Variants in MMAB observed in about 807,000 individuals in gnomAD.
The protein encoded by MMAB is corrinoid adenosyltransferase MMAB.
A neutral mutation model predicts 30.6 loss-of-function variants in MMAB; 17 were observed. That is an observed-to-expected ratio of 0.56 (90% CI 0.38 to 0.83). The LOEUF is 0.83. Among genes scored for constraint, MMAB ranks in the 40% least tolerant of loss-of-function variants. The pLI is 0.00. For synonymous variants in MMAB, 134 were observed against 138.6 expected, an observed-to-expected ratio of 0.97 and a Z score of 0.23; for missense variants, 311 against 331.6, an observed-to-expected ratio of 0.94 and a Z score of 0.48.
chr12:109,568,919 G>GTTTTT, intron 2 of MMAB, 56 bp from the exon 3 acceptor site: 1 of 953,536 alleles, frequency 1.0e-6, no homozygotes, highest in Non-Finnish European at 1.6e-6. Flanking sequence ...CTGATATGCT[G>GTTTTT]TTTTTTTTTT....
Position 109,571,688 on chromosome 12 carries a change from G to T in MMAB, c.157C>A (p.Pro53Thr). The change falls in exon 2 of 9, where the codon CCC becomes ACC. Residue 53 changes from proline to threonine, a missense_variant. Physicochemically the swap from Pro to Thr is conservative, Grantham distance 38 (BLOSUM62 -1). Coordinates refer to ENST00000545712, the MANE Select transcript of MMAB (RefSeq NM_052845.4). ...GDRPQPSSKT[P>T]RIPKIYTKTG... ...TTGGTGTAAATCTTGGGGATCCTGG[G>T]TGTCTTCGAGGAAGGCTGTGGCCTA... is the stretch of plus-strand genomic sequence containing the variant. 1 of 1,614,118 alleles carries T rather than the reference G, an allele frequency of 6.2e-7. No homozygotes were observed. The highest frequency in any genetic ancestry group is 8.5e-7 in the Non-Finnish European group (1 of 1,180,000).
At position 109,555,705 on chromosome 12, in the gene MMAB, CA is replaced by C. The variant is rs1402693774; in HGVS notation, c.*1322del. 6.6e-6 allele frequency: 3 copies of C among 453,708 alleles called. No homozygotes were observed. The highest frequency in any genetic ancestry group is 6.0e-5 in the African/African-American group (3 of 49,910). 28.1% of individuals were successfully genotyped at this position (453,708 alleles called of 1,614,324 possible). On this transcript the variant is annotated 3_prime_UTR_variant, in exon 9 of 9. Coordinates refer to ENST00000545712, the MANE Select transcript of MMAB (RefSeq NM_052845.4). ...TCATCTGCACCTCACCCACCCTGCC[CA>C]AGGCTCAAGAGGGCCATCACAGCCT...
chr12:109,571,816 C>T (rs1268287397), intron 1 of MMAB, 106 bp from the exon 2 acceptor site: 12 of 841,670 alleles, frequency 1.4e-5, no homozygotes, highest in African/African-American at 3.3e-5. Context: ...AGAGGCAGCA[C>T]TTACCCCTTA....
chr12:109,571,840 C>G (rs1884642351), intron 1 of MMAB, 130 bp from the exon 2 acceptor site: 2 of 753,704 alleles, frequency 2.7e-6, no homozygotes, highest in African/African-American at 3.4e-5. Context: ...CTTAGATGGT[C>G]ATCTCTTGTT....
chr12:109,564,919 C>T lies in MMAB; in HGVS notation c.348+200G>A, dbSNP rs574313952. 209 of 677,430 alleles carry T rather than the reference C, an allele frequency of 3.1e-4. 1 individual carries two copies. In the African/African-American group the frequency reaches 3.2e-3, roughly 10 times the overall value. The allele number at this position is 677,430 out of a possible 1,614,324, so 42.0% of individuals were successfully genotyped here. On this transcript the variant is annotated intron_variant, in intron 4 of 8. Coordinates refer to ENST00000545712, the MANE Select transcript of MMAB (RefSeq NM_052845.4). ...CTGGCCTCAAGTGATCTTCCTGCCT[C>T]AGTCTCCCAAGTAGCTGAGATTGCA...
intron 4 of MMAB, among the ~76,000 whole-genome samples, chr12:109,563,593 T>C (rs565519710): frequency 6.6e-6 from 1 of 152,310 alleles, no homozygotes; most frequent in Non-Finnish European, 1.5e-5. Context: ...CTAACCCAGC[T>C]GGAGATTAGG....
Position 109,571,729 on chromosome 12 carries a change from C to A in MMAB, c.135-19G>T, listed in dbSNP as rs758112774. 3.1e-6 allele frequency: 5 copies of A among 1,611,400 alleles called. No individual in the cohort carries two copies. Among genetic ancestry groups the A allele is most frequent in the Non-Finnish European group, 4.2e-6 (5 of 1,177,806 alleles). On this transcript the variant is annotated intron_variant, in intron 1 of 8. Transcript: ENST00000545712. ...CTGTGGCCTAATGAGAAATAAACAT[C>A]AGTATCTGGTGAGTGGGGATGGCTT...
intron 1 of MMAB, 162 bp downstream of exon 1, chr12:109,573,185 T>A: frequency 3.4e-6 from 3 of 871,198 alleles, no homozygotes; most frequent in Non-Finnish European, 5.5e-6. Flanking sequence ...CTACCTGGTC[T>A]CTGGCGCCCA....
intron 8 of MMAB, among the ~76,000 whole-genome samples, chr12:109,557,853 C>A (rs1344627473): frequency 1.3e-5 from 2 of 151,980 alleles, no homozygotes; most frequent in Non-Finnish European, 2.9e-5. Flanking sequence ...CCCGCCTCCT[C>A]CTTTGAACCA....
Position 109,559,250 on chromosome 12 carries a change from A to T in MMAB, c.585-95T>A. The stretch of plus-strand genomic sequence containing the variant: ...CTTGAGCAGCATTTCACATCCTGCC[A>T]CCGCTCAACCTGAACCTGCACAGGC... On this transcript the variant is annotated intron_variant, in intron 7 of 8. Transcript: ENST00000545712. 5 of 917,600 alleles carry T rather than the reference A, an allele frequency of 5.4e-6. 1 individual carries two copies. The South Asian group carries it at 6.7e-5, about 12-fold the overall frequency. 56.8% of individuals were successfully genotyped at this position (917,600 alleles called of 1,614,324 possible).
rs2136198351 is a variant in MMAB, at chr12:109,561,063, G to GGCCCGTGCC, written c.560_561insGGCACGGGC (p.Ala187_Val188insAlaArgAla). On this transcript the variant is annotated inframe_insertion, in exon 7 of 9. Transcript: ENST00000545712. The surrounding 1 kb of genome is among the most constrained non-coding windows in gnomAD (Gnocchi z 5.3). ...ACCGTCTCTCGGCCCGGCGGCACACGGCCCGGCAGAAATGCAGCGCCGAGC... is the reference window on the plus strand; with the variant it reads ...ACCGTCTCTCGGCCCGGCGGCACACGGCCCGTGCCGCCCGGCAGAAATGCAGCGCCGAGC... The GGCCCGTGCC allele has an allele frequency of 6.5e-7, 1 of 1,539,796 alleles. No homozygotes were observed. The highest frequency in any genetic ancestry group is 1.1e-5 in the South Asian group (1 of 89,842).
rs1446244464 is a variant in MMAB, at chr12:109,558,560, G to T, written c.644+536C>A. On this transcript the variant is annotated intron_variant, in intron 8 of 8. Coordinates refer to ENST00000545712, the MANE Select transcript of MMAB (RefSeq NM_052845.4). This position sits in a 1 kb window ranked among gnomAD's most constrained non-coding sequence, Gnocchi z 4.3. ...ACCCGCAGAGCAGGCTTTGGGCCAG[G>T]TGTGGCTCCAGCCTCATGGGCCGGC... Among the ~76,000 whole-genome samples the T allele has an allele frequency of 6.6e-6, 1 of 152,170 alleles. No homozygotes were observed. Among genetic ancestry groups the T allele is most frequent in the Non-Finnish European group, 1.5e-5 (1 of 68,020 alleles).
At position 109,570,512 on chromosome 12, in the gene MMAB, A is replaced by G. The variant is rs72650202; in HGVS notation, c.196+1137T>C. Among the ~76,000 whole-genome samples, 1,093 of 152,290 alleles carry G rather than the reference A, an allele frequency of 7.2e-3. 14 individuals are homozygous for G. The highest frequency in any genetic ancestry group is 0.01 in the Non-Finnish European group (712 of 68,032). On this transcript the variant is annotated intron_variant, in intron 2 of 8. Coordinates refer to ENST00000545712, the MANE Select transcript of MMAB (RefSeq NM_052845.4). ...CCGTACATGCTTTTATACTTTTACTATACAAGTATATATCCAAAAAACAAT... is the reference window on the plus strand; with the variant it reads ...CCGTACATGCTTTTATACTTTTACTGTACAAGTATATATCCAAAAAACAAT...
At position 109,556,793 on chromosome 12, in the gene MMAB, A is replaced by ATCCC. The variant is rs767369124; in HGVS notation, c.*231_*234dup. 3 of 645,606 alleles carry ATCCC rather than the reference A, an allele frequency of 4.6e-6. No individual in the cohort carries two copies. The highest frequency in any genetic ancestry group is 4.5e-5 in the South Asian group (3 of 66,186). 40.0% of individuals were successfully genotyped at this position (645,606 alleles called of 1,614,324 possible). On this transcript the variant is annotated 3_prime_UTR_variant, in exon 9 of 9. Coordinates refer to ENST00000545712, the MANE Select transcript of MMAB (RefSeq NM_052845.4). ...TCCTGCAATGCCAATTCATTCCCACATCCCTCCAAGACCCAGGAGAGCTTG... is the reference window on the plus strand; with the variant it reads ...TCCTGCAATGCCAATTCATTCCCACATCCCTCCCTCCAAGACCCAGGAGAGCTTG...
chr12:109,559,228 G>A, intron 7 of MMAB, 73 bp from the exon 8 acceptor site: 1 of 1,170,276 alleles, frequency 8.5e-7, no homozygotes, highest in South Asian at 1.2e-5. Context: ...CCTAAACCTT[G>A]AGCAGCATTT....
Position 109,554,260 on chromosome 12 carries a change from A to G in MMAB, c.*2768T>C, listed in dbSNP as rs1306516746. Reference sequence around the variant, plus strand: ...GTCTGTGGAACACTTGGCTCAGGGCACTGCACATAGCAAGCCCTTCCACAG... The same window carrying G: ...GTCTGTGGAACACTTGGCTCAGGGCGCTGCACATAGCAAGCCCTTCCACAG... On this transcript the variant is annotated 3_prime_UTR_variant, in exon 9 of 9. Transcript: ENST00000545712. 8.8e-6 allele frequency: 4 copies of G among 453,952 alleles called. No individual in the cohort carries two copies. The highest frequency in any genetic ancestry group is 6.8e-4 in the Middle Eastern group (1 of 1,466). The allele number at this position is 453,952 out of a possible 1,614,324, so 28.1% of individuals were successfully genotyped here.
chr12:109,559,148 G>A lies in MMAB; in HGVS notation c.592C>T (p.Pro198Ser), dbSNP rs1884099597. 1 of 1,613,422 alleles carries A rather than the reference G, an allele frequency of 6.2e-7. No individual in the cohort carries two copies. Among genetic ancestry groups the A allele is most frequent in the Non-Finnish European group, 8.5e-7 (1 of 1,179,486 alleles). ...VCRRAERRVV[P>S]LVQMGETDAN... Reference sequence around the variant, plus strand: ...TCGGTCTCTCCCATCTGGACAAGAGGCACCACACTAGAAAGGGAGGAGACA... The same window carrying A: ...TCGGTCTCTCCCATCTGGACAAGAGACACCACACTAGAAAGGGAGGAGACA... The change falls in exon 8 of 9, where the codon CCT (proline) becomes TCT (serine). Residue 198 changes from proline to serine, a missense_variant. By Grantham distance (74) the Pro-to-Ser change is moderately conservative (BLOSUM62 -1). Coordinates refer to ENST00000545712, the MANE Select transcript of MMAB (RefSeq NM_052845.4).
chr12:109,563,935 C>A (rs775810214), intron 4 of MMAB, among the ~76,000 whole-genome samples: 1 of 152,240 alleles, frequency 6.6e-6, no homozygotes, highest in Admixed American at 6.5e-5. Context: ...GGGGTGGTGA[C>A]CCTGTCTCCG....
In MMAB at chr12:109,558,059, AG is replaced by A. The variant is rs141371419; in HGVS notation, c.645-924del. Among the ~76,000 whole-genome samples the A allele has an allele frequency of 2.0e-3, 306 of 152,246 alleles. 1 individual carries two copies. Among genetic ancestry groups the A allele is most frequent in the African/African-American group, 6.9e-3 (286 of 41,534 alleles). On this transcript the variant is annotated intron_variant, in intron 8 of 8. Coordinates refer to ENST00000545712, the MANE Select transcript of MMAB (RefSeq NM_052845.4). The surrounding 1 kb of genome is among the most constrained non-coding windows in gnomAD (Gnocchi z 4.3). ...CTCTCTGCCCCAGTCTTGCCCTCAG[AG>A]GCCAGCTCCACACCACATCCTCCTG... is the stretch of plus-strand genomic sequence containing the variant.
Sources: allele counts gnomAD v4.1 joint callset (sites outside exome capture counted in the v4.1 genomes callset), GRCh38; gene constraint gnomAD v4.1.1; non-coding constraint Gnocchi (gnomAD v3.1); transcripts MANE v1.5; gene names NCBI Gene and HGNC (gene_info 2026-07-23, HGNC 2026-07-21).